The following GALK2 variants were observed in gnomAD, a reference collection of about 807,000 sequenced individuals.
The protein encoded by GALK2 is galactokinase 2.
In GALK2, 36 loss-of-function variants were observed where a neutral mutation model predicts 52.4. The observed-to-expected ratio is 0.69, with a 90% CI of 0.53 to 0.91. The LOEUF (loss-of-function observed/expected upper bound fraction) is 0.91, where lower values mean the gene tolerates loss of function less well. Among genes scored for constraint, GALK2 ranks in the 40% least tolerant of loss-of-function variants. The pLI is 0.00. For missense variants in GALK2, 579 were observed against 559.1 expected, an observed-to-expected ratio of 1.04 and a Z score of -0.36; for synonymous variants, 176 against 199.1, an observed-to-expected ratio of 0.88 and a Z score of 0.98.
At chr15:49,157,800 A>C (rs879274723) in intron 1 of GALK2, among the ~76,000 whole-genome samples, 4 of 152,210 alleles carry the variant, frequency 2.6e-5, no homozygotes, top group African/African-American at 9.6e-5. Flanking sequence ...GGCATGTACC[A>C]GTACTAGGAT....
chr15:49,233,460 G>A (rs1189500122), intron 3 of GALK2, among the ~76,000 whole-genome samples: 4 of 152,156 alleles, frequency 2.6e-5, no homozygotes, highest in Non-Finnish European at 5.9e-5. Flanking sequence ...TTTCTGGAAC[G>A]TTGCTCATGT....
chr15:49,225,650 G>T (rs1251627420), intron 3 of GALK2, among the ~76,000 whole-genome samples: 1 of 152,188 alleles, frequency 6.6e-6, no homozygotes, highest in Non-Finnish European at 1.5e-5. Context: ...GCCCTTCTCT[G>T]GTGCTGGCTT....
chr15:49,289,724 G>A (rs1352894075), intron 7 of GALK2, among the ~76,000 whole-genome samples: 4 of 152,244 alleles, frequency 2.6e-5, no homozygotes, highest in Non-Finnish European at 1.5e-5. Context: ...TCATATTGGC[G>A]TCTTTTCCTG....
chr15:49,333,995 T>C (rs533449144), downstream of GALK2, among the ~76,000 whole-genome samples: 5 of 152,352 alleles, frequency 3.3e-5, no homozygotes, highest in South Asian at 1.0e-3. Context: ...AGGTTTATTT[T>C]GAAAAGGACT....
At chr15:49,174,131 C>G (rs2085283775) in intron 1 of GALK2, among the ~76,000 whole-genome samples, 1 of 152,088 alleles carries the variant, frequency 6.6e-6, no homozygotes, top group Non-Finnish European at 1.5e-5. Context: ...TAATTTTTCT[C>G]TCTTGTAAAC....
chr15:49,304,692 G>C (rs1376729759), intron 8 of GALK2, among the ~76,000 whole-genome samples: 1 of 152,234 alleles, frequency 6.6e-6, no homozygotes, highest in East Asian at 1.9e-4. Context: ...CCCATGTTGA[G>C]TGGCTATGAG....
intron 3 of GALK2, among the ~76,000 whole-genome samples, chr15:49,229,833 G>T (rs1414689359): frequency 6.6e-6 from 1 of 152,158 alleles, no homozygotes; most frequent in Non-Finnish European, 1.5e-5. Context: ...GCTCCAGGTA[G>T]TGGCTGCAGG....
chr15:49,354,519 G>A (rs2042767252), intron 3 of GALK2, among the ~76,000 whole-genome samples: 1 of 152,224 alleles, frequency 6.6e-6, no homozygotes, highest in Admixed American at 6.5e-5. Context: ...ACTCCCACCT[G>A]AATACTGCAC....
intron 8 of GALK2, among the ~76,000 whole-genome samples, chr15:49,303,691 C>A (rs1446035242): frequency 1.3e-5 from 2 of 152,166 alleles, no homozygotes; most frequent in Non-Finnish European, 1.5e-5. Context: ...TCACTGGCCT[C>A]CTTGGTCTCC....
intron 3 of GALK2, among the ~76,000 whole-genome samples, chr15:49,352,680 C>G (rs2151312611): frequency 6.6e-6 from 1 of 152,130 alleles, no homozygotes; most frequent in Admixed American, 6.5e-5. Flanking sequence ...CATCCTTTTC[C>G]CTAAAGATAA....
intron 8 of GALK2, among the ~76,000 whole-genome samples, chr15:49,304,711 C>G (rs2035404297): frequency 6.6e-6 from 1 of 152,232 alleles, no homozygotes; most frequent in African/African-American, 2.4e-5. Context: ...AGTCTCATCC[C>G]ATCAAATCTT....
intron 1 of GALK2, chr15:49,185,654 A>G (rs2086285723): frequency 6.6e-6 from 1 of 152,174 alleles, no homozygotes; most frequent in Admixed American, 6.5e-5. Flanking sequence ...TTTTGGTAAC[A>G]GCCATTCTGA....
chr15:49,265,017 G>T (rs1042886728), intron 5 of GALK2, among the ~76,000 whole-genome samples: 2 of 152,262 alleles, frequency 1.3e-5, no homozygotes, highest in East Asian at 3.9e-4. Context: ...CTGCTTGGGG[G>T]TCAGGGGTCA....
intron 1 of GALK2, among the ~76,000 whole-genome samples, chr15:49,172,168 C>G (rs1183876267): frequency 1.3e-5 from 2 of 152,162 alleles, no homozygotes; most frequent in Non-Finnish European, 1.5e-5. Context: ...ACATTTCTAT[C>G]TATATTTACC....
chr15:49,325,432 G>A (rs1012585594), intron 9 of GALK2, among the ~76,000 whole-genome samples: 5 of 152,144 alleles, frequency 3.3e-5, no homozygotes, highest in South Asian at 2.1e-4. Flanking sequence ...AGAAAAAGGC[G>A]CAAACATGAA....
intron 1 of GALK2, among the ~76,000 whole-genome samples, chr15:49,179,618 A>G (rs1222830612): frequency 6.6e-6 from 1 of 150,378 alleles, no homozygotes; most frequent in Non-Finnish European, 1.5e-5. Flanking sequence ...AAGTTCTGTT[A>G]CTAATACTGC....
In GALK2 at chr15:49,330,410, C is replaced by T. The variant is rs1032951341; in HGVS notation, c.*2251C>T. On this transcript the variant is annotated 3_prime_UTR_variant, in exon 10 of 10. Coordinates refer to ENST00000560031, the MANE Select transcript of GALK2 (RefSeq NM_002044.4). The stretch of plus-strand genomic sequence containing the variant: ...ATGACTAAAAACTTGGGCTCCAAAT[C>T]AGGAGATTGTACAAGCAGTATCAGA... 2 of 152,146 alleles carry T rather than the reference C, an allele frequency of 1.3e-5. No homozygotes were observed. The highest frequency in any genetic ancestry group is 2.4e-5 in the African/African-American group (1 of 41,426). 9.4% of individuals were successfully genotyped at this position (152,146 alleles called of 1,614,324 possible).
At chr15:49,262,312 G>A (rs1175391697) in intron 5 of GALK2, among the ~76,000 whole-genome samples, 2 of 152,094 alleles carry the variant, frequency 1.3e-5, no homozygotes, top group Admixed American at 6.5e-5. Context: ...TGTATGTGTC[G>A]AGGAATTTAT....
At chr15:49,362,268 C>T (rs2151416279) in intron 3 of GALK2, among the ~76,000 whole-genome samples, 1 of 152,226 alleles carries the variant, frequency 6.6e-6, no homozygotes, top group Non-Finnish European at 1.5e-5. Flanking sequence ...TGAAAGTTCT[C>T]ATGAGATACG....
Sources: allele counts gnomAD v4.1 joint callset (sites outside exome capture counted in the v4.1 genomes callset), GRCh38; gene constraint gnomAD v4.1.1; transcripts MANE v1.5; gene names NCBI Gene and HGNC (gene_info 2026-07-23, HGNC 2026-07-21).